PTPRD: variants seen among roughly 807,000 people sequenced by gnomAD.
PTPRD encodes receptor-type tyrosine-protein phosphatase delta.
PTPRD carries 34 observed loss-of-function variants against 214.5 expected under a neutral mutation model. The ratio of observed to expected loss-of-function variants is 0.16; its 90% CI spans 0.12 to 0.21. PTPRD has a LOEUF of 0.21. Among genes scored for constraint, PTPRD ranks in the 10% least tolerant of loss-of-function variants. PTPRD has a pLI of 1.00. For synonymous variants in PTPRD, 1,128 were observed against 845.7 expected (o/e 1.33, Z -5.79); for missense variants, 2,545 against 2,398.7 (o/e 1.06, Z -1.27).
At chr9:8,464,686 AC>A (rs2096505040) in intron 32 of PTPRD, among the ~76,000 whole-genome samples, 1 of 147,014 alleles carries the variant, frequency 6.8e-6, no homozygotes, top group African/African-American at 2.5e-5. Flanking sequence ...TTCAAAATTC[AC>A]CCCCTGCCTA....
chr9:9,950,838 C>T (rs1277364232), intron 4 of PTPRD, among the ~76,000 whole-genome samples: 3 of 150,258 alleles, frequency 2.0e-5, no homozygotes, highest in Non-Finnish European at 3.0e-5. Flanking sequence ...CTCATTTTTC[C>T]TTCCCTCATT....
intron 7 of PTPRD, among the ~76,000 whole-genome samples, chr9:9,730,775 A>T (rs2098175546): frequency 6.6e-6 from 1 of 152,130 alleles, no homozygotes; most frequent in Admixed American, 6.6e-5. Flanking sequence ...TCTGACCATT[A>T]GTCTCATCTC....
At chr9:8,537,173 C>G (rs28756234) in intron 14 of PTPRD, among the ~76,000 whole-genome samples, 5,026 of 151,782 alleles carry the variant, frequency 0.033, 259 homozygotes, top group African/African-American at 0.11. Flanking sequence ...GGACTGAAAA[C>G]AGAAAAATAA....
chr9:10,420,981 A>G (rs2098540215), intron 2 of PTPRD, among the ~76,000 whole-genome samples: 1 of 151,890 alleles, frequency 6.6e-6, no homozygotes, highest in African/African-American at 2.4e-5. Context: ...AGGGATTCCA[A>G]TCATTTGGCT....
At chr9:9,621,890 A>C (rs2095254481) in intron 7 of PTPRD, among the ~76,000 whole-genome samples, 1 of 152,134 alleles carries the variant, frequency 6.6e-6, no homozygotes, top group Non-Finnish European at 1.5e-5. Flanking sequence ...TTATTTTTAC[A>C]ACATATTCCT....
At chr9:8,855,377 C>T (rs544952081) in intron 11 of PTPRD, among the ~76,000 whole-genome samples, 204 of 152,188 alleles carry the variant, frequency 1.3e-3, no homozygotes, top group African/African-American at 4.8e-3. Flanking sequence ...TCTACTCTAA[C>T]GCACATATAT....
chr9:8,991,972 C>T (rs1000369080), intron 11 of PTPRD, among the ~76,000 whole-genome samples: 6 of 151,726 alleles, frequency 4.0e-5, no homozygotes, highest in African/African-American at 1.5e-4. Context: ...TTGTGGTGTT[C>T]AGAATGAAAA....
At chr9:10,182,468 A>G (rs1007557870) in intron 3 of PTPRD, among the ~76,000 whole-genome samples, 3 of 152,032 alleles carry the variant, frequency 2.0e-5, no homozygotes, top group Admixed American at 6.6e-5. Context: ...GAAAAATATG[A>G]TAAGTATAAC....
intron 2 of PTPRD, among the ~76,000 whole-genome samples, chr9:10,364,340 C>A (rs978719545): frequency 6.6e-6 from 1 of 152,120 alleles, no homozygotes; most frequent in South Asian, 2.1e-4. Context: ...CAAAGCACTG[C>A]AAAGTTAAAT....
At chr9:10,353,629 G>C (rs140003513) in intron 2 of PTPRD, among the ~76,000 whole-genome samples, 27 of 152,002 alleles carry the variant, frequency 1.8e-4, no homozygotes, top group African/African-American at 6.5e-4. Context: ...CTGCAAATAA[G>C]ATTAGAGAGT....
chr9:9,026,625 C>T (rs2099588080), intron 10 of PTPRD, among the ~76,000 whole-genome samples: 1 of 151,844 alleles, frequency 6.6e-6, no homozygotes, highest in African/African-American at 2.4e-5. Context: ...GCCCGAAGTT[C>T]ATTCCTGCTC....
chr9:9,000,261 A>AAG (rs1194081286), intron 11 of PTPRD, among the ~76,000 whole-genome samples: 1 of 152,024 alleles, frequency 6.6e-6, no homozygotes, highest in Non-Finnish European at 1.5e-5. Flanking sequence ...AGTACCCATA[A>AAG]AGGTCTTTAA....
chr9:8,464,716 T>C (rs928678768), intron 32 of PTPRD, among the ~76,000 whole-genome samples: 7 of 5,230 alleles, frequency 1.3e-3, no homozygotes, highest in Non-Finnish European at 1.9e-3. Flanking sequence ...ATCTCTCCCC[T>C]TTTTTTTTTT....
intron 5 of PTPRD, among the ~76,000 whole-genome samples, chr9:9,834,212 T>A (rs1276834473): frequency 1.3e-5 from 2 of 152,060 alleles, no homozygotes; most frequent in African/African-American, 4.8e-5. Flanking sequence ...GGTCCCTCTG[T>A]TTGGGGTCCC....
At chr9:10,165,774 T>TA (rs906670336) in intron 3 of PTPRD, among the ~76,000 whole-genome samples, 29 of 150,924 alleles carry the variant, frequency 1.9e-4, no homozygotes, top group Non-Finnish European at 2.2e-4. Flanking sequence ...TATTTTCTCT[T>TA]AAAAAAAACC....
At chr9:8,454,761 C>G (rs2096114099) in intron 33 of PTPRD, among the ~76,000 whole-genome samples, 1 of 151,854 alleles carries the variant, frequency 6.6e-6, no homozygotes, top group Non-Finnish European at 1.5e-5. Context: ...ATTTATAGAC[C>G]TCTGATTATG....
intron 2 of PTPRD, among the ~76,000 whole-genome samples, chr9:10,566,987 T>G (rs985055433): frequency 1.3e-5 from 2 of 152,108 alleles, no homozygotes; most frequent in African/African-American, 4.8e-5. Context: ...TTATTTACTC[T>G]ATAAATACTT....
At position 8,923,442 on chromosome 9, in the gene PTPRD, C is replaced by G. The variant is rs537003206; in HGVS notation, c.-104+95255G>C. Among the ~76,000 whole-genome samples, 4 of 151,890 alleles carry G rather than the reference C, an allele frequency of 2.6e-5. No homozygotes were observed. The South Asian group carries it at 8.4e-4, about 32-fold the overall frequency. ...TACATTCCTGTCTCCTAAGCCCCAA[C>G]CACACTCCACTCCTGTGGCCCGTGG... On this transcript the variant is annotated intron_variant, in intron 11 of 45. Coordinates refer to ENST00000381196, the MANE Select transcript of PTPRD (RefSeq NM_002839.4).
chr9:9,974,558 C>G (rs1291303989), intron 4 of PTPRD, among the ~76,000 whole-genome samples: 1 of 152,192 alleles, frequency 6.6e-6, no homozygotes, highest in South Asian at 2.1e-4. Flanking sequence ...TAAACCTCCA[C>G]TTAATCTTTG....
Sources: allele counts gnomAD v4.1 joint callset (sites outside exome capture counted in the v4.1 genomes callset), GRCh38; gene constraint gnomAD v4.1.1; transcripts MANE v1.5; gene names NCBI Gene and HGNC (gene_info 2026-07-23, HGNC 2026-07-21).